The following KMT5A variants were observed in gnomAD, a reference collection of about 807,000 sequenced individuals.
KMT5A encodes the protein lysine methyltransferase 5A.
Under a neutral mutation model 40.6 loss-of-function variants are expected in KMT5A, and 6 were observed. The ratio of observed to expected loss-of-function variants is 0.15; its 90% CI spans 0.08 to 0.29. The LOEUF is 0.29. Among genes scored for constraint, KMT5A ranks in the 10% least tolerant of loss-of-function variants. The probability of loss-of-function intolerance (pLI) is 1.00; values close to 1 mark genes in which losing one functional copy is unlikely to be tolerated. For missense variants in KMT5A, 308 were observed against 459.1 expected (o/e 0.67, Z 3.01); for synonymous variants, 153 against 178.8 (o/e 0.86, Z 1.15).
chr12:123,398,521 AT>A (rs1325929869), intron 5 of KMT5A, among the ~76,000 whole-genome samples: 1 of 152,210 alleles, frequency 6.6e-6, no homozygotes, highest in Non-Finnish European at 1.5e-5. Context: ...GGTCTGCTAA[AT>A]CTTGCAGCAG....
Position 123,409,318 on chromosome 12 carries a change from A to G in KMT5A, c.*1615A>G, listed in dbSNP as rs1049961522. 1.3e-5 allele frequency: 2 copies of G among 152,624 alleles called. No homozygotes were observed. The highest frequency in any genetic ancestry group is 4.8e-5 in the African/African-American group (2 of 41,428). 9.5% of individuals were successfully genotyped at this position (152,624 alleles called of 1,614,324 possible). A position where few individuals can be genotyped will look rare whatever the true frequency, so the allele number is the denominator to read the frequency against. ...AACTTGAAAATTATTTGTCATCATA[A>G]AAATGAAACAAATTAAAATATTTAT... On this transcript the variant is annotated 3_prime_UTR_variant, in exon 8 of 8. Transcript: ENST00000402868.
chr12:123,384,228 G>T lies in KMT5A; in HGVS notation c.10+20G>T. The T allele has an allele frequency of 1.9e-6, 3 of 1,612,902 alleles. No homozygotes were observed. The highest frequency in any genetic ancestry group is 2.5e-6 in the Non-Finnish European group (3 of 1,179,570). On this transcript the variant is annotated intron_variant, in intron 1 of 7. Transcript: ENST00000402868. The surrounding 1 kb of genome is among the most constrained non-coding windows in gnomAD (Gnocchi z 5.7). ...CTAGAGGTATTTGCCCAAGTGGCCG[G>T]CACCGGAGCGGCTGGGTCGGGGGTC...
chr12:123,390,686 C>T lies in KMT5A; in HGVS notation c.189C>T (p.Cys63=), dbSNP rs1390424461. The T allele has an allele frequency of 3.1e-6, 5 of 1,613,896 alleles. No individual in the cohort carries two copies. The highest frequency in any genetic ancestry group is 1.1e-5 in the South Asian group (1 of 91,074). The change falls in exon 3 of 8, where the codon TGC becomes TGT. Residue 63 remains cysteine (C), a synonymous_variant. Transcript: ENST00000402868. ...ATTCCTACATGAGCCCGAACAAATG[C>T]TCTGGAATGCGTTTCCCCCTTCAGG... ...KIYSYMSPNK[C]SGMRFPLQEE...
At chr12:123,403,342 G>T (rs2139200939) in intron 5 of KMT5A, among the ~76,000 whole-genome samples, 1 of 152,336 alleles carries the variant, frequency 6.6e-6, no homozygotes, top group Non-Finnish European at 1.5e-5. Context: ...TTTCCCTCCT[G>T]ATCCAGTTGA....
At chr12:123,386,190 A>C (rs1394494675) in intron 1 of KMT5A, among the ~76,000 whole-genome samples, 3 of 150,674 alleles carry the variant, frequency 2.0e-5, no homozygotes, top group African/African-American at 7.3e-5. Context: ...CAAGCTATTA[A>C]ATTGGATATT....
In KMT5A at chr12:123,395,039, G is replaced by T. The variant is rs1310876890; in HGVS notation, c.290-8G>T. 3 of 1,557,114 alleles carry T rather than the reference G, an allele frequency of 1.9e-6. No homozygotes were observed. The highest frequency in any genetic ancestry group is 2.7e-5 in the African/African-American group (2 of 73,064). ...ATAAACCCGTCTTTCCCCCACCTCC[G>T]CCTGCAGAGAAAAGAAATGCTGGGA... On this transcript the variant is annotated splice_region_variant and splice_polypyrimidine_tract_variant and intron_variant, in intron 3 of 7. Transcript: ENST00000402868.
chr12:123,393,490 G>A (rs1877461013), intron 3 of KMT5A, among the ~76,000 whole-genome samples: 1 of 152,114 alleles, frequency 6.6e-6, no homozygotes, highest in Admixed American at 6.6e-5. Flanking sequence ...CTTTCACTGA[G>A]CATCATGTCT....
chr12:123,389,682 G>A (rs1877132753), intron 2 of KMT5A, 128 bp downstream of exon 2: 1 of 672,326 alleles, frequency 1.5e-6, no homozygotes, highest in Non-Finnish European at 1.9e-6. Flanking sequence ...GCCTGGCTGG[G>A]AGTGGCGCCC....
Position 123,407,518 on chromosome 12 carries a change from C to T in KMT5A, c.874C>T (p.Arg292Cys). 1.2e-6 allele frequency: 2 copies of T among 1,613,920 alleles called. No individual in the cohort carries two copies. Among genetic ancestry groups the T allele is most frequent in the Non-Finnish European group, 1.7e-6 (2 of 1,179,864 alleles). ...YCVDATRETN[R>C]LGRLINHSKC... Reference sequence around the variant, plus strand: ...CGTGGATGCAACTAGAGAGACAAATCGCCTAGGAAGACTGATCAATCACAG... The same window carrying T: ...CGTGGATGCAACTAGAGAGACAAATTGCCTAGGAAGACTGATCAATCACAG... The change falls in exon 8 of 8, where the codon CGC becomes TGC. Residue 292 changes from arginine (R) to cysteine (C), a missense_variant. Arg to Cys is a radical substitution (Grantham distance 180). Coordinates refer to ENST00000402868, the MANE Select transcript of KMT5A (RefSeq NM_020382.7).
chr12:123,398,413 G>T (rs1227907075), intron 5 of KMT5A, among the ~76,000 whole-genome samples: 1 of 152,208 alleles, frequency 6.6e-6, no homozygotes, highest in African/African-American at 2.4e-5. Context: ...ACCAAGGGCT[G>T]CTGTGGACTT....
At chr12:123,391,619 C>A (rs901649357) in intron 3 of KMT5A, among the ~76,000 whole-genome samples, 3 of 152,204 alleles carry the variant, frequency 2.0e-5, no homozygotes, top group Non-Finnish European at 4.4e-5. Context: ...TTAATGAAAA[C>A]GGTCTGGTCT....
chr12:123,386,735 C>T (rs1043806228), intron 1 of KMT5A, among the ~76,000 whole-genome samples: 5 of 152,174 alleles, frequency 3.3e-5, no homozygotes, highest in Admixed American at 6.6e-5. Context: ...GGTCAGTCCA[C>T]CTACCTTTCA....
intron 3 of KMT5A, among the ~76,000 whole-genome samples, chr12:123,394,056 C>T (rs1354606536): frequency 6.6e-6 from 1 of 151,286 alleles, no homozygotes; most frequent in Non-Finnish European, 1.5e-5. Flanking sequence ...AAAGTGGCTG[C>T]ACCATTTTAT....
intron 3 of KMT5A, 76 bp from the exon 4 acceptor site, chr12:123,394,971 T>C: frequency 7.5e-7 from 1 of 1,338,970 alleles, no homozygotes; most frequent in Non-Finnish European, 1.0e-6. Context: ...AAAGCTTGTC[T>C]TAGAATGCAG....
chr12:123,405,462 C>CGCT (rs1356093806), intron 7 of KMT5A, among the ~76,000 whole-genome samples: 1 of 141,530 alleles, frequency 7.1e-6, no homozygotes, highest in African/African-American at 2.8e-5. Flanking sequence ...TGAGCCACTG[C>CGCT]GCTCGGGCTG....
Position 123,405,013 on chromosome 12 carries a change from G to T in KMT5A, c.787G>T (p.Ala263Ser), listed in dbSNP as rs369912330. 1 of 1,613,968 alleles carries T rather than the reference G, an allele frequency of 6.2e-7. No individual in the cohort carries two copies. The highest frequency in any genetic ancestry group is 1.7e-5 in the Admixed American group (1 of 59,984). ...CGCCAAGAAACGGGAGGCTCTGTAC[G>T]CACAGGACCCTTCCACGGGCTGCTA... Reference protein sequence around the residue: ...TDAKKREALYAQDPSTGCYMY... With the variant: ...TDAKKREALYSQDPSTGCYMY... The change falls in exon 7 of 8, where the codon GCA (alanine) becomes TCA (serine). Residue 263 changes from alanine to serine, a missense_variant. By Grantham distance (99) the Ala-to-Ser change is moderately conservative (BLOSUM62 1). Transcript: ENST00000402868.
At chr12:123,398,338 C>T (rs967746117) in intron 5 of KMT5A, among the ~76,000 whole-genome samples, 2 of 151,962 alleles carry the variant, frequency 1.3e-5, no homozygotes, top group Admixed American at 6.6e-5. Flanking sequence ...CACAGAATCC[C>T]AGACACCTCC....
intron 5 of KMT5A, among the ~76,000 whole-genome samples, chr12:123,398,279 C>CTCAAAAAAAAAAAAAG (rs1877889463): frequency 6.7e-6 from 1 of 150,332 alleles, no homozygotes; most frequent in South Asian, 2.1e-4. Context: ...AAGACTCCGT[C>CTCAAAAAAAAAAAAAG]TCAAAAAAAA....
At chr12:123,397,226 G>A (rs983847547) in intron 5 of KMT5A, among the ~76,000 whole-genome samples, 1 of 152,270 alleles carries the variant, frequency 6.6e-6, no homozygotes, top group Non-Finnish European at 1.5e-5. Context: ...ATTTGCTGCA[G>A]TGAGGTGTGG....
Sources: allele counts gnomAD v4.1 joint callset (sites outside exome capture counted in the v4.1 genomes callset), GRCh38; gene constraint gnomAD v4.1.1; non-coding constraint Gnocchi (gnomAD v3.1); transcripts MANE v1.5; gene names NCBI Gene and HGNC (gene_info 2026-07-23, HGNC 2026-07-21).